The following WWOX variants were observed in gnomAD, a reference collection of about 807,000 sequenced individuals.
WWOX encodes the protein WW domain-containing oxidoreductase.
Under a neutral mutation model 46.2 loss-of-function variants are expected in WWOX, and 69 were observed. That is an observed-to-expected ratio of 1.49 (90% CI 1.23 to 1.82). WWOX has a LOEUF of 1.82. WWOX is among the 40% of genes most tolerant of loss of function. The pLI is 0.00. For missense variants in WWOX, 919 were observed against 542.6 expected, an observed-to-expected ratio of 1.69 and a Z score of -6.89; for synonymous variants, 359 against 202.6, an observed-to-expected ratio of 1.77 and a Z score of -6.56.
intron 8 of WWOX, among the ~76,000 whole-genome samples, chr16:78,598,059 C>T (rs967641188): frequency 7.2e-5 from 11 of 152,172 alleles, no homozygotes; most frequent in South Asian, 2.1e-4. Flanking sequence ...CTCCAGACTG[C>T]GCTTCATGAA....
At chr16:78,502,414 C>T (rs1190497016) in intron 8 of WWOX, among the ~76,000 whole-genome samples, 1 of 152,210 alleles carries the variant, frequency 6.6e-6, no homozygotes, top group Non-Finnish European at 1.5e-5. Flanking sequence ...ATTCTGCGTA[C>T]CTCATATAAA....
chr16:78,790,556 C>T (rs2050569287), intron 8 of WWOX, among the ~76,000 whole-genome samples: 1 of 152,130 alleles, frequency 6.6e-6, no homozygotes, highest in African/African-American at 2.4e-5. Context: ...CGTGGACAAC[C>T]CTATTTAACA....
intron 8 of WWOX, among the ~76,000 whole-genome samples, chr16:78,593,062 C>A (rs1015718001): frequency 1.3e-5 from 2 of 152,164 alleles, no homozygotes; most frequent in African/African-American, 4.8e-5. Context: ...TAGGCAAATA[C>A]AAAAGCTCTT....
At chr16:78,232,837 CTTTCT>C (rs5818120) in intron 5 of WWOX, among the ~76,000 whole-genome samples, 2 of 150,246 alleles carry the variant, frequency 1.3e-5, no homozygotes, top group African/African-American at 2.4e-5. Flanking sequence ...TTTTCTTTTT[CTTTCT>C]TTTCTTTTCT....
At chr16:79,025,037 C>A (rs1031827157) in intron 8 of WWOX, among the ~76,000 whole-genome samples, 1 of 152,138 alleles carries the variant, frequency 6.6e-6, no homozygotes, top group African/African-American at 2.4e-5. Flanking sequence ...TTGGGGAGGA[C>A]CTTGTGTTCC....
chr16:78,424,181 G>T (rs2083022573), intron 6 of WWOX, among the ~76,000 whole-genome samples: 2 of 133,838 alleles, frequency 1.5e-5, no homozygotes, highest in South Asian at 5.1e-4. Flanking sequence ...GCAGTGGCAT[G>T]ATCTTAGCTC....
intron 8 of WWOX, among the ~76,000 whole-genome samples, chr16:79,033,901 A>T (rs1346008287): frequency 1.3e-5 from 2 of 152,210 alleles, no homozygotes; most frequent in Non-Finnish European, 2.9e-5. Flanking sequence ...GCACCATCAA[A>T]CAGGCATAGC....
At chr16:78,522,436 C>G (rs1338332428) in intron 8 of WWOX, among the ~76,000 whole-genome samples, 6 of 152,148 alleles carry the variant, frequency 3.9e-5, no homozygotes, top group African/African-American at 1.4e-4. Context: ...GCACAGTAGT[C>G]ACTCATCCTG....
intron 5 of WWOX, among the ~76,000 whole-genome samples, chr16:78,266,763 G>T (rs1401525475): frequency 7.2e-6 from 1 of 138,714 alleles, no homozygotes; most frequent in Non-Finnish European, 1.6e-5. Flanking sequence ...ATAAGTGCTT[G>T]ATAAATGCAA....
intron 6 of WWOX, among the ~76,000 whole-genome samples, chr16:78,416,796 T>C (rs1213779710): frequency 6.6e-6 from 1 of 152,192 alleles, no homozygotes; most frequent in Non-Finnish European, 1.5e-5. Context: ...GAAATAACAA[T>C]TATCTAAGCT....
chr16:78,478,656 C>G (rs2667556), intron 8 of WWOX, among the ~76,000 whole-genome samples: 23,390 of 152,148 alleles, frequency 0.15, 1,874 homozygotes, highest in Non-Finnish European at 0.18. Context: ...CGTTGAGTTA[C>G]TGGTTCACTG....
intron 8 of WWOX, among the ~76,000 whole-genome samples, chr16:78,977,685 C>A (rs1048722857): frequency 6.6e-6 from 1 of 152,104 alleles, no homozygotes; most frequent in Non-Finnish European, 1.5e-5. Flanking sequence ...GAGGTTCTGA[C>A]AGAGGGCTCG....
chr16:78,518,213 A>G (rs377714207), intron 8 of WWOX, among the ~76,000 whole-genome samples: 3 of 151,866 alleles, frequency 2.0e-5, no homozygotes, highest in Non-Finnish European at 4.4e-5. Context: ...TTTTGTTATT[A>G]TTATTATTAA....
intron 8 of WWOX, among the ~76,000 whole-genome samples, chr16:78,987,644 A>G (rs866047592): frequency 6.6e-6 from 1 of 152,228 alleles, no homozygotes; most frequent in African/African-American, 2.4e-5. Flanking sequence ...TTTTTGCATG[A>G]TGGTGCATAT....
intron 8 of WWOX, among the ~76,000 whole-genome samples, chr16:78,709,128 C>G (rs577665965): frequency 6.6e-6 from 1 of 152,126 alleles, no homozygotes; most frequent in Non-Finnish European, 1.5e-5. Flanking sequence ...CTCTCCTCCT[C>G]GTTCTCTAAA....
Position 79,100,014 on chromosome 16 carries a change from A to G in WWOX, c.1057-111594A>G, listed in dbSNP as rs78925621. On this transcript the variant is annotated intron_variant, in intron 8 of 8. Transcript: ENST00000566780. ...GCAGAATTTCTTCTTCTCCAGGAAAAGAAACAGTTCTTCTCTTAAAATCTT... is the reference window on the plus strand; with the variant it reads ...GCAGAATTTCTTCTTCTCCAGGAAAGGAAACAGTTCTTCTCTTAAAATCTT... Among the ~76,000 whole-genome samples the G allele has an allele frequency of 2.0e-3, 303 of 152,346 alleles. 2 individuals are homozygous for G. The highest frequency in any genetic ancestry group is 6.4e-3 in the African/African-American group (264 of 41,574).
chr16:79,015,161 A>G (rs558017351), intron 8 of WWOX, among the ~76,000 whole-genome samples: 10 of 152,198 alleles, frequency 6.6e-5, no homozygotes, highest in Non-Finnish European at 1.5e-4. Context: ...ACTTCTCCTG[A>G]GTTTCTGCAG....
At chr16:79,159,951 A>G (rs139433117) in intron 8 of WWOX, among the ~76,000 whole-genome samples, 11 of 152,222 alleles carry the variant, frequency 7.2e-5, no homozygotes. Context: ...CCCAGGTGAA[A>G]GCACCGGGAT....
intron 8 of WWOX, among the ~76,000 whole-genome samples, chr16:78,719,506 A>G (rs964518426): frequency 2.0e-5 from 3 of 152,220 alleles, no homozygotes; most frequent in Admixed American, 6.5e-5. Context: ...GAGTGTCTAG[A>G]TGAAATGCGA....
Sources: allele counts gnomAD v4.1 joint callset (sites outside exome capture counted in the v4.1 genomes callset), GRCh38; gene constraint gnomAD v4.1.1; transcripts MANE v1.5; gene names NCBI Gene and HGNC (gene_info 2026-07-23, HGNC 2026-07-21).